JAK1: variants seen among roughly 807,000 people sequenced by gnomAD.
JAK1 encodes the protein tyrosine-protein kinase JAK1.
In JAK1, 16 loss-of-function variants were observed where a neutral mutation model predicts 136.6. The observed-to-expected ratio is 0.12, with a 90% confidence interval of 0.08 to 0.18. JAK1 has a LOEUF of 0.18. Ranked by LOEUF, JAK1 falls within the 10% of genes least tolerant of loss-of-function variation. The probability of loss-of-function intolerance (pLI) is 1.00; values close to 1 mark genes in which losing one functional copy is unlikely to be tolerated. For missense variants in JAK1, 859 were observed against 1,450.1 expected (o/e 0.59, Z 6.62); for synonymous variants, 492 against 519.5 (o/e 0.95, Z 0.72).
intron 1 of JAK1, among the ~76,000 whole-genome samples, chr1:64,955,166 G>A (rs1020379645): frequency 6.6e-6 from 1 of 152,328 alleles, no homozygotes; most frequent in East Asian, 1.9e-4. Context: ...ATAAACAGCC[G>A]TGTGCCTACT....
At chr1:64,934,835 TTA>T (rs1438733071) in intron 1 of JAK1, among the ~76,000 whole-genome samples, 3 of 152,156 alleles carry the variant, frequency 2.0e-5, no homozygotes, top group African/African-American at 7.2e-5. Flanking sequence ...GGGGCTATGA[TTA>T]TATTTTACTC....
In JAK1 at chr1:65,002,742, AC is replaced by A. The variant is rs569801169; in HGVS notation, c.-78+41737del. On this transcript the variant is annotated intron_variant, in intron 2 of 25. Coordinates refer to the JAK1 transcript ENST00000671954. Reference sequence around the variant, plus strand: ...CGCAGTTGGAAGCCCGGGCGCTCTTACCGAAAGCGCGAGCCCGGACTTCCCC... The same window carrying A: ...CGCAGTTGGAAGCCCGGGCGCTCTTACGAAAGCGCGAGCCCGGACTTCCCC... 5.3e-5 allele frequency among the ~76,000 whole-genome samples: 8 copies of A among 152,220 alleles called. No homozygotes were observed. In the East Asian group the frequency reaches 1.2e-3, roughly 22 times the overall value.
intron 1 of JAK1, among the ~76,000 whole-genome samples, chr1:64,938,754 T>C (rs897482588): frequency 1.3e-5 from 2 of 152,162 alleles, no homozygotes; most frequent in African/African-American, 4.8e-5. Context: ...AACTGAGAAA[T>C]GCCTCCTCAT....
intron 3 of JAK1, among the ~76,000 whole-genome samples, chr1:64,882,985 T>G (rs1381597097): frequency 2.6e-5 from 4 of 152,218 alleles, no homozygotes; most frequent in African/African-American, 9.7e-5. Flanking sequence ...AAATGAGAAC[T>G]GAGCCTGGAT....
At chr1:65,063,023 T>A (rs979509145) in intron 1 of JAK1, among the ~76,000 whole-genome samples, 1 of 152,186 alleles carries the variant, frequency 6.6e-6, no homozygotes, top group South Asian at 2.1e-4. Context: ...CTGAATCTCA[T>A]TAGACAAAAC....
intron 1 of JAK1, among the ~76,000 whole-genome samples, chr1:64,953,082 A>G (rs1229711927): frequency 6.6e-6 from 1 of 152,202 alleles, no homozygotes; most frequent in Non-Finnish European, 1.5e-5. Flanking sequence ...CCATTTGCAT[A>G]AGGAGGTTTC....
intron 1 of JAK1, among the ~76,000 whole-genome samples, chr1:64,930,631 A>G (rs192993313): frequency 4.8e-4 from 73 of 151,084 alleles, no homozygotes; most frequent in African/African-American, 1.4e-3. Flanking sequence ...CATTTGACCC[A>G]GCAATCCCAT....
rs527520257 is a variant in JAK1, at chr1:64,985,311, C to G, written c.-78+59169G>C. On this transcript the variant is annotated intron_variant, in intron 2 of 25. Transcript: ENST00000671954. ...GATGGGCTGTCGGTAGCTGGATACT[C>G]TAAAGAGCTCCAGCACAGTGACTTG... The G allele has an allele frequency of 4.3e-5, 70 of 1,610,608 alleles. 1 individual carries two copies. The African/African-American group carries it at 8.3e-4, about 19-fold the overall frequency.
chr1:65,056,202 G>A (rs1647529713), intron 1 of JAK1, among the ~76,000 whole-genome samples: 1 of 152,188 alleles, frequency 6.6e-6, no homozygotes, highest in Middle Eastern at 3.2e-3. Context: ...AATAACTGGG[G>A]AGACCCCTCT....
chr1:64,849,153 T>C (rs1320757393), intron 12 of JAK1, among the ~76,000 whole-genome samples: 2 of 152,088 alleles, frequency 1.3e-5, no homozygotes, highest in African/African-American at 4.8e-5. Flanking sequence ...TCCCTCCACC[T>C]TGCCTAGCTA....
chr1:64,905,749 T>C (rs2100228363), intron 1 of JAK1, among the ~76,000 whole-genome samples: 1 of 152,314 alleles, frequency 6.6e-6, no homozygotes, highest in East Asian at 1.9e-4. Flanking sequence ...TATTTAGTCA[T>C]GCAATTAAGC....
chr1:64,910,748 G>A (rs1416914344), intron 1 of JAK1, among the ~76,000 whole-genome samples: 4 of 151,232 alleles, frequency 2.6e-5, no homozygotes, highest in Admixed American at 2.0e-4. Flanking sequence ...GGAGACTGAC[G>A]CAGGAGAATA....
In JAK1 at chr1:64,841,354, A is replaced by G; in HGVS notation, c.2555-15T>C. 1 of 1,613,170 alleles carries G rather than the reference A, an allele frequency of 6.2e-7. No homozygotes were observed. Among genetic ancestry groups the G allele is most frequent in the Non-Finnish European group, 8.5e-7 (1 of 1,179,140 alleles). ...AATATCTGGATCTAACAGAAGAGAA[A>G]AGAAAACAGAGTGAAAGGCAGTCGA... On this transcript the variant is annotated splice_polypyrimidine_tract_variant and intron_variant, in intron 18 of 24. Transcript: ENST00000342505.
At position 64,873,493 on chromosome 1, in the gene JAK1, G is replaced by A. The variant is rs377758951; in HGVS notation, c.360C>T (p.Asn120=). The change falls in exon 5 of 25, where the codon AAC becomes AAT. Residue 120 remains asparagine (N), a synonymous_variant. Coordinates refer to ENST00000342505, the MANE Select transcript of JAK1 (RefSeq NM_002227.4). ...RFYFTNWHGT[N]DNEQSVWRHS... ...GACGCCACACTGACTGCTCATTGTC[G>A]TTGGTTCCATGCCAATTGGTGAAAT... 2.1e-5 allele frequency: 34 copies of A among 1,613,994 alleles called. No homozygotes were observed. Among genetic ancestry groups the A allele is most frequent in the Non-Finnish European group, 2.5e-5 (29 of 1,180,032 alleles).
rs528537331 is a variant in JAK1 at position 64,959,065 on chromosome 1, T to C, written c.-78+7268A>G. Reference sequence around the variant, plus strand: ...AATCAAATTAGGGAGCTTTCTTGTCTTTCTCATTCTAGAGTGGGAAGACAA... The same window carrying C: ...AATCAAATTAGGGAGCTTTCTTGTCCTTCTCATTCTAGAGTGGGAAGACAA... On this transcript the variant is annotated intron_variant, in intron 1 of 24. Coordinates refer to ENST00000342505, the MANE Select transcript of JAK1 (RefSeq NM_002227.4). 1.1e-3 allele frequency among the ~76,000 whole-genome samples: 169 copies of C among 152,334 alleles called. 1 individual carries two copies. The highest frequency in any genetic ancestry group is 1.8e-3 in the Non-Finnish European group (122 of 68,024).
At chr1:64,951,136 C>G (rs1289029085) in intron 1 of JAK1, among the ~76,000 whole-genome samples, 1 of 152,182 alleles carries the variant, frequency 6.6e-6, no homozygotes, top group African/African-American at 2.4e-5. Flanking sequence ...TCAATTCTAA[C>G]CTGAGAAAAG....
chr1:65,065,686 GT>G (rs1040816893), intron 1 of JAK1, among the ~76,000 whole-genome samples: 1 of 148,884 alleles, frequency 6.7e-6, no homozygotes. Context: ...CTTGGGAGGC[GT>G]TTTTTTTGGC....
At chr1:64,905,408 A>C (rs1198655803) in intron 1 of JAK1, among the ~76,000 whole-genome samples, 1 of 152,226 alleles carries the variant, frequency 6.6e-6, no homozygotes, top group Non-Finnish European at 1.5e-5. Context: ...ACATAGCTCT[A>C]CATATGTCAA....
At position 64,886,361 on chromosome 1, in the gene JAK1, A is replaced by T. The variant is rs1267978311; in HGVS notation, c.-77-20T>A. The stretch of plus-strand genomic sequence containing the variant: ...GAAGCGCTAAAGACAAAAATAAATA[A>T]ATAAATCAGTGGCAGAGGTAATTGC... On this transcript the variant is annotated intron_variant, in intron 1 of 24. Coordinates refer to ENST00000342505, the MANE Select transcript of JAK1 (RefSeq NM_002227.4). 1.4e-6 allele frequency: 2 copies of T among 1,411,470 alleles called. No homozygotes were observed. The highest frequency in any genetic ancestry group is 3.0e-5 in the African/African-American group (2 of 67,694). 87.4% of individuals were successfully genotyped at this position (1,411,470 alleles called of 1,614,324 possible). A position where few individuals can be genotyped will look rare whatever the true frequency, so the allele number is the denominator to read the frequency against.
Sources: gnomAD v4.1 joint callset for allele counts (sites outside exome capture counted in the v4.1 genomes callset) on GRCh38, gnomAD v4.1.1 for gene constraint, MANE v1.5 for transcripts, NCBI Gene and HGNC (gene_info 2026-07-23, HGNC 2026-07-21) for gene names.